METTL15: variants seen among roughly 807,000 people sequenced by gnomAD.
The protein encoded by METTL15 is 12S rRNA N(4)-cytidine methyltransferase METTL15.
Under a neutral mutation model 38.3 loss-of-function variants are expected in METTL15, and 34 were observed. That is an observed-to-expected ratio of 0.89 (90% CI 0.68 to 1.18). The LOEUF (loss-of-function observed/expected upper bound fraction) is 1.18. Among genes scored for constraint, METTL15 ranks in the 50% most tolerant of loss-of-function variants. The pLI, the probability that METTL15 is intolerant of heterozygous loss-of-function variation, is 0.00. For missense variants in METTL15, 438 were observed against 498.4 expected (o/e 0.88, Z 1.15); for synonymous variants, 162 against 170.9 (o/e 0.95, Z 0.41).
At chr11:28,515,855 T>C (rs1472230445) in intron 6 of METTL15, among the ~76,000 whole-genome samples, 1 of 152,170 alleles carries the variant, frequency 6.6e-6, no homozygotes, top group Admixed American at 6.5e-5. Context: ...ATAGCCACAA[T>C]AGATGCAAGA....
At chr11:28,150,046 A>G (rs547617651) in intron 3 of METTL15, among the ~76,000 whole-genome samples, 13 of 151,978 alleles carry the variant, frequency 8.6e-5, no homozygotes, top group African/African-American at 2.9e-4. Flanking sequence ...TAGGCCTGCC[A>G]TTTCTCAGGG....
At chr11:28,192,689 A>G (rs1178445638) in intron 3 of METTL15, among the ~76,000 whole-genome samples, 1 of 152,050 alleles carries the variant, frequency 6.6e-6, no homozygotes, top group Non-Finnish European at 1.5e-5. Flanking sequence ...GTTTTTAACC[A>G]TCAACTCAAT....
chr11:28,523,798 C>G (rs1051936161), intron 6 of METTL15, among the ~76,000 whole-genome samples: 1 of 152,156 alleles, frequency 6.6e-6, no homozygotes, highest in African/African-American at 2.4e-5. Context: ...ACTATGATAA[C>G]TTGAAGGCAG....
chr11:28,227,593 A>G (rs1853533001), intron 4 of METTL15, among the ~76,000 whole-genome samples: 1 of 151,956 alleles, frequency 6.6e-6, no homozygotes, highest in Admixed American at 6.6e-5. Flanking sequence ...AATGGATGAT[A>G]GAAAGGGAGA....
chr11:28,489,360 G>A (rs1335004755), intron 6 of METTL15, among the ~76,000 whole-genome samples: 1 of 152,132 alleles, frequency 6.6e-6, no homozygotes, highest in African/African-American at 2.4e-5. Context: ...AGCATGACTT[G>A]TTAAATAAAA....
At chr11:28,318,636 C>T (rs1337778777) in intron 6 of METTL15, among the ~76,000 whole-genome samples, 1 of 152,164 alleles carries the variant, frequency 6.6e-6, no homozygotes, top group Non-Finnish European at 1.5e-5. Flanking sequence ...TTAGCTGGGC[C>T]TAATTTCCTA....
chr11:28,377,813 A>ACGG (rs1717836347), intron 5 of METTL15, among the ~76,000 whole-genome samples: 1 of 150,048 alleles, frequency 6.7e-6, no homozygotes, highest in South Asian at 2.1e-4. Flanking sequence ...GTCTTTGATG[A>ACGG]TGAAGTACAG....
At chr11:28,491,062 T>C (rs779791245) in intron 6 of METTL15, among the ~76,000 whole-genome samples, 9 of 152,132 alleles carry the variant, frequency 5.9e-5, no homozygotes, top group Non-Finnish European at 7.4e-5. Flanking sequence ...AAAAGGGAAA[T>C]TGAAGAGCTT....
chr11:28,216,409 A>G (rs1355897554), intron 4 of METTL15, among the ~76,000 whole-genome samples: 1 of 152,158 alleles, frequency 6.6e-6, no homozygotes, highest in Non-Finnish European at 1.5e-5. Flanking sequence ...TGCTGTTACA[A>G]TGCCTGTCAG....
chr11:28,437,220 G>C (rs1184196071), intron 6 of METTL15, among the ~76,000 whole-genome samples: 1 of 152,156 alleles, frequency 6.6e-6, no homozygotes, highest in Non-Finnish European at 1.5e-5. Context: ...TCATCTTGCA[G>C]ATGGCCTATT....
chr11:28,452,487 A>G (rs1340557208), intron 6 of METTL15, among the ~76,000 whole-genome samples: 2 of 152,222 alleles, frequency 1.3e-5, no homozygotes, highest in African/African-American at 4.8e-5. Context: ...ACAATGCTGT[A>G]TGTGATACAT....
At chr11:28,503,407 A>G (rs1050062565) in intron 6 of METTL15, among the ~76,000 whole-genome samples, 1 of 152,238 alleles carries the variant, frequency 6.6e-6, no homozygotes, top group African/African-American at 2.4e-5. Flanking sequence ...GAAACCGTAT[A>G]AGATAGACAC....
At chr11:28,143,795 T>C (rs145543454) in intron 3 of METTL15, among the ~76,000 whole-genome samples, 2 of 152,280 alleles carry the variant, frequency 1.3e-5, no homozygotes, top group Non-Finnish European at 2.9e-5. Flanking sequence ...TGAGAAAAGA[T>C]ATCTTGATCG....
chr11:28,428,886 C>G lies in METTL15; in HGVS notation c.*424+4522C>G, dbSNP rs78848091. On this transcript the variant is annotated intron_variant and NMD_transcript_variant, in intron 6 of 7. Transcript: ENST00000532947. Reference sequence around the variant, plus strand: ...AGATCCCCTTCCTATAACCTGATACCTGGCATCCTATTCCTAAAGCCCAGG... The same window carrying G: ...AGATCCCCTTCCTATAACCTGATACGTGGCATCCTATTCCTAAAGCCCAGG... 7.2e-5 allele frequency among the ~76,000 whole-genome samples: 11 copies of G among 152,354 alleles called. No homozygotes were observed. The East Asian group carries it at 1.7e-3, about 24-fold the overall frequency.
intron 6 of METTL15, among the ~76,000 whole-genome samples, chr11:28,501,073 A>G (rs1370582685): frequency 6.6e-6 from 1 of 152,142 alleles, no homozygotes; most frequent in Non-Finnish European, 1.5e-5. Context: ...CTTTTAATAT[A>G]TTGAGAGCCT....
intron 4 of METTL15, among the ~76,000 whole-genome samples, chr11:28,211,872 A>C (rs1043110340): frequency 2.0e-5 from 3 of 151,944 alleles, no homozygotes; most frequent in Non-Finnish European, 1.5e-5. Context: ...TGTTTTCAGG[A>C]ATGGGAAATT....
rs373252622 is a variant in METTL15 at position 28,325,492 on chromosome 11, C to T, written c.779-4904C>T. Reference sequence around the variant, plus strand: ...GCTTGGCACACAGGCCGTACACACCCGATGATGTGAATGAAACTGTACTAA... The same window carrying T: ...GCTTGGCACACAGGCCGTACACACCTGATGATGTGAATGAAACTGTACTAA... On this transcript the variant is annotated intron_variant, in intron 6 of 6. Transcript: ENST00000407364. Among the ~76,000 whole-genome samples, 53 of 152,320 alleles carry T rather than the reference C, an allele frequency of 3.5e-4. No individual in the cohort carries two copies. In the East Asian group the frequency reaches 8.5e-3, roughly 24 times the overall value.
chr11:28,236,477 A>G (rs1323284432), intron 4 of METTL15, among the ~76,000 whole-genome samples: 1 of 152,144 alleles, frequency 6.6e-6, no homozygotes, highest in Non-Finnish European at 1.5e-5. Flanking sequence ...TATTGCCACA[A>G]TTTCAGATTC....
At chr11:28,479,975 C>A (rs1445543050) in intron 6 of METTL15, among the ~76,000 whole-genome samples, 1 of 152,016 alleles carries the variant, frequency 6.6e-6, no homozygotes, top group African/African-American at 2.4e-5. Flanking sequence ...GAGTGTAGTT[C>A]CAACATGAAT....
Sources: gnomAD v4.1 joint callset for allele counts (sites outside exome capture counted in the v4.1 genomes callset) on GRCh38, gnomAD v4.1.1 for gene constraint, MANE v1.5 for transcripts, NCBI Gene and HGNC (gene_info 2026-07-23, HGNC 2026-07-21) for gene names.